Variants in UIMC1 observed in about 807,000 individuals in gnomAD.
UIMC1 encodes the protein ubiquitin interaction motif containing 1, also known as BRCA1-A complex subunit RAP80.
UIMC1 carries 42 observed loss-of-function variants against 84.9 expected under a neutral mutation model. That is an observed-to-expected ratio of 0.49 (90% confidence interval 0.39 to 0.64). UIMC1 has a LOEUF of 0.64. UIMC1 is among the 30% of genes least tolerant of loss of function. UIMC1 has a pLI of 0.00. For synonymous variants in UIMC1, 281 were observed against 293.0 expected (o/e 0.96, Z 0.42); for missense variants, 825 against 847.6 (o/e 0.97, Z 0.33).
At chr5:176,922,475 C>T (rs1417485702) in intron 10 of UIMC1, among the ~76,000 whole-genome samples, 2 of 152,216 alleles carry the variant, frequency 1.3e-5, no homozygotes, top group African/African-American at 2.4e-5. Context: ...TTCTCAAGTC[C>T]GTCCACTTCT....
At chr5:176,919,268 G>T in intron 10 of UIMC1, 1 of 269,168 alleles carries the variant, frequency 3.7e-6, no homozygotes. Context: ...AACAGAAAGA[G>T]AGTTCTTTAT....
chr5:176,914,989 A>G (rs894492573), intron 10 of UIMC1, among the ~76,000 whole-genome samples: 5 of 152,156 alleles, frequency 3.3e-5, no homozygotes, highest in African/African-American at 1.2e-4. Flanking sequence ...AGATTACAGA[A>G]TCCTTTAGGA....
chr5:176,939,268 A>AAAAAGAAAAG (rs1764125591), intron 10 of UIMC1, among the ~76,000 whole-genome samples: 2 of 151,614 alleles, frequency 1.3e-5, no homozygotes, highest in African/African-American at 4.8e-5. Flanking sequence ...AAAAAAAAAA[A>AAAAAGAAAAG]AAAAGAAAAA....
At chr5:176,974,346 G>GA (rs931381074) in intron 3 of UIMC1, among the ~76,000 whole-genome samples, 2 of 151,930 alleles carry the variant, frequency 1.3e-5, no homozygotes, top group African/African-American at 2.4e-5. Flanking sequence ...ATCCATATGG[G>GA]AAAAAAATGA....
rs148072306 is a variant in UIMC1, at chr5:176,933,890, T to C, written c.1597+9445A>G. ...ATAGGTTAAAAAAAGTCATGCCCAA[T>C]ATTAGGGGAACAATTAAGCAAGAAG... On this transcript the variant is annotated intron_variant, in intron 10 of 14. Coordinates refer to ENST00000511320, the MANE Select transcript of UIMC1 (RefSeq NM_001199298.2). Among the ~76,000 whole-genome samples the C allele has an allele frequency of 9.1e-3, 1,385 of 152,180 alleles. 8 individuals are homozygous for C. The highest frequency in any genetic ancestry group is 0.025 in the South Asian group (121 of 4,826).
intron 2 of UIMC1, among the ~76,000 whole-genome samples, chr5:176,977,004 C>G (rs1770182843): frequency 6.6e-6 from 1 of 152,106 alleles, no homozygotes; most frequent in South Asian, 2.1e-4. Context: ...AGGCGGATCA[C>G]CTGAGGTCAG....
chr5:176,979,389 C>T (rs1770664196), intron 2 of UIMC1, among the ~76,000 whole-genome samples: 1 of 151,980 alleles, frequency 6.6e-6, no homozygotes, highest in African/African-American at 2.4e-5. Flanking sequence ...GGTGTATCAC[C>T]TGAGGTCAGG....
rs377290012 is a variant in UIMC1 at position 176,951,511 on chromosome 5, A to G, written c.1406T>C (p.Ile469Thr). Residue 469 changes from isoleucine to threonine, a missense_variant, in exon 9 of 15, where the codon ATC becomes ACC. Coordinates refer to ENST00000511320, the MANE Select transcript of UIMC1 (RefSeq NM_001199298.2). ...EREVSPGSRD[I>T]LDGVRIIMAD... ...CATTATTATTCTGACTCCATCCAAG[A>G]TATCTCTGCTACCTGGAGAGACTTC... 3.2e-6 allele frequency: 5 copies of G among 1,583,626 alleles called. No homozygotes were observed. The highest frequency in any genetic ancestry group is 1.8e-5 in the Admixed American group (1 of 55,228).
In UIMC1 at chr5:176,975,618, G is replaced by T; in HGVS notation, c.148-138C>A. 4 of 758,474 alleles carry T rather than the reference G, an allele frequency of 5.3e-6. No individual in the cohort carries two copies. The South Asian group carries it at 7.5e-5, about 14-fold the overall frequency. The allele number at this position is 758,474 out of a possible 1,614,324, so 47.0% of individuals were successfully genotyped here. ...TAAATATGCACATAAAACATTAGAA[G>T]ATCCTTTTCAGTACAAAAGGGAAAA... On this transcript the variant is annotated intron_variant, in intron 2 of 14. Transcript: ENST00000511320.
chr5:176,998,663 A>G (rs1157501137), intron 1 of UIMC1, among the ~76,000 whole-genome samples: 2 of 151,924 alleles, frequency 1.3e-5, no homozygotes, highest in East Asian at 3.9e-4. Flanking sequence ...GCTACTCAGG[A>G]GGCTGAGGCA....
chr5:176,956,104 G>A (rs1040580506), intron 7 of UIMC1, 69 bp from the exon 8 acceptor site: 3 of 1,479,746 alleles, frequency 2.0e-6, no homozygotes, highest in Non-Finnish European at 9.4e-7. Context: ...AAAAGCAATG[G>A]TGAGTCACTC....
intron 1 of UIMC1, among the ~76,000 whole-genome samples, chr5:176,992,771 A>G (rs542190747): frequency 1.4e-4 from 21 of 152,270 alleles, no homozygotes; most frequent in Middle Eastern, 6.8e-3. Context: ...ATGCTACTGC[A>G]CTCCAGCCTA....
At chr5:176,940,403 G>A (rs572989558) in intron 10 of UIMC1, among the ~76,000 whole-genome samples, 1 of 152,178 alleles carries the variant, frequency 6.6e-6, no homozygotes, top group African/African-American at 2.4e-5. Flanking sequence ...AGAGCTCAAT[G>A]GGGCATTCAG....
intron 1 of UIMC1, among the ~76,000 whole-genome samples, chr5:177,004,811 A>G (rs185365151): frequency 6.6e-6 from 1 of 152,320 alleles, no homozygotes; most frequent in African/African-American, 2.4e-5. Flanking sequence ...CTGGGTACCA[A>G]ACTTGTCAAA....
chr5:176,968,501 C>T (rs1006254065), intron 6 of UIMC1, 54 bp downstream of exon 6: 2 of 1,528,748 alleles, frequency 1.3e-6, no homozygotes, highest in African/African-American at 2.8e-5. Context: ...TAAAATAATC[C>T]TTGTTTTAAT....
chr5:177,016,368 A>C (rs1225672728), intron 1 of UIMC1, among the ~76,000 whole-genome samples: 1 of 151,174 alleles, frequency 6.6e-6, no homozygotes, highest in Non-Finnish European at 1.5e-5. Flanking sequence ...CATCTCAAAA[A>C]CAAAACAAAA....
intron 11 of UIMC1, 152 bp downstream of exon 11, chr5:176,911,159 A>G: frequency 3.7e-6 from 1 of 271,456 alleles, no homozygotes; most frequent in Non-Finnish European, 6.2e-6. Context: ...AGAAAAGAAA[A>G]GAAAAGAAAA....
Position 176,968,655 on chromosome 5 carries a change from G to A in UIMC1, c.1100C>T (p.Ser367Phe), listed in dbSNP as rs747852992. Residue 367 changes from serine to phenylalanine, a missense_variant, in exon 6 of 15, where the codon TCT (serine) becomes TTT (phenylalanine). Coordinates refer to ENST00000511320, the MANE Select transcript of UIMC1 (RefSeq NM_001199298.2). ...ATCCTTGGTTTTTGAGTGCCAGTCA[G>A]ATGCCCTAGACTCCTGCCTCTCCTC... is the stretch of plus-strand genomic sequence containing the variant. ...DKEERQESRASDWHSKTKDFQ... is the reference protein window; with the variant it reads ...DKEERQESRAFDWHSKTKDFQ... 6.2e-7 allele frequency: 1 copy of A among 1,614,120 alleles called. No individual in the cohort carries two copies. Among genetic ancestry groups the A allele is most frequent in the Non-Finnish European group, 8.5e-7 (1 of 1,180,028 alleles).
rs757455690 is a variant in UIMC1 at position 176,982,594 on chromosome 5, C to A, written c.22G>T (p.Val8Phe). The A allele has an allele frequency of 3.1e-6, 5 of 1,613,854 alleles. No homozygotes were observed. The highest frequency in any genetic ancestry group is 4.2e-6 in the Non-Finnish European group (5 of 1,179,962). Residue 8 changes from valine to phenylalanine, a missense_variant, in exon 2 of 15, where the codon GTT becomes TTT. Val to Phe is a conservative substitution (Grantham distance 50). Coordinates refer to ENST00000511320, the MANE Select transcript of UIMC1 (RefSeq NM_001199298.2). MPRRKKK[V>F]KEVSESRNLE... is the part of the protein sequence containing the mutation. ...TTCCGAGATTCGGAGACTTCTTTAA[C>A]TTTTTTCTTTCTCCGTGGCATCCTT...
Sources: allele counts gnomAD v4.1 joint callset (sites outside exome capture counted in the v4.1 genomes callset), GRCh38; gene constraint gnomAD v4.1.1; transcripts MANE v1.5; gene names NCBI Gene and HGNC (gene_info 2026-07-23, HGNC 2026-07-21).